Variants in TMEM168 observed in about 807,000 individuals in gnomAD.
TMEM168 encodes transmembrane protein 168.
In TMEM168, 40 loss-of-function variants were observed where a neutral mutation model predicts 53.2. The observed-to-expected ratio is 0.75, with a 90% CI of 0.58 to 0.98. The LOEUF (loss-of-function observed/expected upper bound fraction) is 0.98. Among genes scored for constraint, TMEM168 ranks in the 50% least tolerant of loss-of-function variants. The pLI is 0.00. For synonymous variants in TMEM168, 282 were observed against 293.0 expected (o/e 0.96, Z 0.38); for missense variants, 771 against 828.8 (o/e 0.93, Z 0.86).
At chr7:112,780,191 C>A (rs149080344) in intron 2 of TMEM168, among the ~76,000 whole-genome samples, 92 of 152,230 alleles carry the variant, frequency 6.0e-4, no homozygotes, top group Non-Finnish European at 2.5e-4. Context: ...TATGTGTACA[C>A]GAATAAGTTA....
chr7:112,775,377 T>C (rs1020404556), intron 2 of TMEM168, 59 bp from the exon 3 acceptor site: 46 of 1,386,030 alleles, frequency 3.3e-5, no homozygotes, highest in South Asian at 4.6e-5. Flanking sequence ...TATATTTACA[T>C]GCATGCACAT....
In TMEM168 at chr7:112,784,334, T is replaced by A; in HGVS notation, c.492A>T (p.Gly164=). 2 of 1,614,092 alleles carry A rather than the reference T, an allele frequency of 1.2e-6. No homozygotes were observed. Among genetic ancestry groups the A allele is most frequent in the South Asian group, 2.2e-5 (2 of 91,084 alleles). The change falls in exon 2 of 5, where the codon GGA becomes GGT. Residue 164 remains glycine, a synonymous_variant. Transcript: ENST00000312814. The stretch of plus-strand genomic sequence containing the variant: ...ACATAGTTGTGCTGGCAATGGCAAA[T>A]CCAACAAGCTCCAGAAATTCAACTG... ...LTTVEFLELV[G]FAIASTTMLV... is the part of the protein sequence containing the mutation.
Position 112,765,458 on chromosome 7 carries a change from A to AAAT in TMEM168, c.*1736_*1738dup, listed in dbSNP as rs1472847822. The AAAT allele has an allele frequency of 1.3e-5, 2 of 152,252 alleles. No individual in the cohort carries two copies. The highest frequency in any genetic ancestry group is 2.9e-5 in the Non-Finnish European group (2 of 68,042). 9.4% of individuals were successfully genotyped at this position (152,252 alleles called of 1,614,324 possible). Reference sequence around the variant, plus strand: ...AATGCTTTAAAGCTAACCTGCTCACAAATAGCTGAGAAATTTAAAAGGAGA... The same window carrying AAAT: ...AATGCTTTAAAGCTAACCTGCTCACAAATAATAGCTGAGAAATTTAAAAGGAGA... On this transcript the variant is annotated 3_prime_UTR_variant, in exon 5 of 5. Transcript: ENST00000312814.
chr7:112,764,162 A>G lies in TMEM168; in HGVS notation c.*3035T>C, dbSNP rs544496528. Reference sequence around the variant, plus strand: ...ATTAAAATAAATAAATAATGGTTAAAAAAAGAAAATAAATTCATACTGTTT... The same window carrying G: ...ATTAAAATAAATAAATAATGGTTAAGAAAAGAAAATAAATTCATACTGTTT... On this transcript the variant is annotated 3_prime_UTR_variant, in exon 5 of 5. Transcript: ENST00000312814. The G allele has an allele frequency of 5.9e-4, 90 of 151,882 alleles. No individual in the cohort carries two copies. The highest frequency in any genetic ancestry group is 3.4e-3 in the Middle Eastern group (1 of 294). 9.4% of individuals were successfully genotyped at this position (151,882 alleles called of 1,614,324 possible). A position where few individuals can be genotyped will look rare whatever the true frequency, so the allele number is the denominator to read the frequency against.
chr7:112,767,891 A>G (rs1792831520), intron 4 of TMEM168, 147 bp from the exon 5 acceptor site: 1 of 642,006 alleles, frequency 1.6e-6, no homozygotes, highest in Non-Finnish European at 2.5e-6. Flanking sequence ...GCAAAAAAAT[A>G]AAGTATTTAA....
chr7:112,769,082 T>C (rs1157672524), intron 4 of TMEM168, among the ~76,000 whole-genome samples: 1 of 152,132 alleles, frequency 6.6e-6, no homozygotes, highest in East Asian at 1.9e-4. Context: ...CCCAACATTT[T>C]CCCCAAATCA....
Position 112,767,154 on chromosome 7 carries a change from TG to T in TMEM168, c.*42del. 1.3e-6 allele frequency: 2 copies of T among 1,532,624 alleles called. No individual in the cohort carries two copies. Among genetic ancestry groups the T allele is most frequent in the Non-Finnish European group, 1.8e-6 (2 of 1,139,828 alleles). The allele number at this position is 1,532,624 out of a possible 1,614,324, so 94.9% of individuals were successfully genotyped here. On this transcript the variant is annotated 3_prime_UTR_variant, in exon 5 of 5. Coordinates refer to ENST00000312814, the MANE Select transcript of TMEM168 (RefSeq NM_022484.6). ...CAAAAAATGGCAAGTTAGTGATAATTGGTAGTATGAGTGCTTATTAATATCC... is the reference window on the plus strand; with the variant it reads ...CAAAAAATGGCAAGTTAGTGATAATTGTAGTATGAGTGCTTATTAATATCC...
chr7:112,779,367 A>G (rs1244651490), intron 2 of TMEM168, among the ~76,000 whole-genome samples: 1 of 152,240 alleles, frequency 6.6e-6, no homozygotes, highest in Non-Finnish European at 1.5e-5. Context: ...GATGGCAAGT[A>G]TGTCCAGGGG....
chr7:112,769,162 A>G (rs1792866321), intron 4 of TMEM168, among the ~76,000 whole-genome samples: 1 of 152,190 alleles, frequency 6.6e-6, no homozygotes. Context: ...TTGGGATTCT[A>G]TCATATTCTT....
intron 1 of TMEM168, among the ~76,000 whole-genome samples, chr7:112,786,598 GTT>G (rs111631794): frequency 6.2e-5 from 9 of 145,740 alleles, no homozygotes; most frequent in African/African-American, 2.2e-4. Flanking sequence ...AATGCATTGA[GTT>G]TTTTTTTTTT....
intron 2 of TMEM168, among the ~76,000 whole-genome samples, chr7:112,780,952 A>AC (rs1322615873): frequency 1.3e-4 from 20 of 151,538 alleles, no homozygotes; most frequent in Non-Finnish European, 2.7e-4. Context: ...TCAAAAAAAA[A>AC]AAAAAAAAAA....
intron 1 of TMEM168, among the ~76,000 whole-genome samples, chr7:112,788,858 A>G (rs1793462911): frequency 6.6e-6 from 1 of 152,172 alleles, no homozygotes; most frequent in Non-Finnish European, 1.5e-5. Flanking sequence ...GGCCACCATC[A>G]TGTTGAACAT....
chr7:112,777,786 T>C (rs1334305813), intron 2 of TMEM168, among the ~76,000 whole-genome samples: 1 of 152,106 alleles, frequency 6.6e-6, no homozygotes, highest in Non-Finnish European at 1.5e-5. Context: ...TCTCTCCTTT[T>C]ACTTTTGCAA....
rs982311440 is a variant in TMEM168, at chr7:112,764,159, TA to T, written c.*3037del. On this transcript the variant is annotated 3_prime_UTR_variant, in exon 5 of 5. Coordinates refer to ENST00000312814, the MANE Select transcript of TMEM168 (RefSeq NM_022484.6). The stretch of plus-strand genomic sequence containing the variant: ...AAAATTAAAATAAATAAATAATGGT[TA>T]AAAAAAGAAAATAAATTCATACTGT... 1 of 151,474 alleles carries T rather than the reference TA, an allele frequency of 6.6e-6. No homozygotes were observed. 9.4% of individuals were successfully genotyped at this position (151,474 alleles called of 1,614,324 possible).
In TMEM168 at chr7:112,783,642, T is replaced by A. The variant is rs1793288699; in HGVS notation, c.1128+56A>T. ...ACCTTATAACTTTAATTTCAATTATTGAAGCTAGCATTTTATTACACGTCA... is the reference window on the plus strand; with the variant it reads ...ACCTTATAACTTTAATTTCAATTATAGAAGCTAGCATTTTATTACACGTCA... On this transcript the variant is annotated intron_variant, in intron 2 of 4. Coordinates refer to ENST00000312814, the MANE Select transcript of TMEM168 (RefSeq NM_022484.6). 5 of 1,369,896 alleles carry A rather than the reference T, an allele frequency of 3.6e-6. No individual in the cohort carries two copies. The Admixed American group carries it at 8.4e-5, about 23-fold the overall frequency. 84.9% of individuals were successfully genotyped at this position (1,369,896 alleles called of 1,614,324 possible).
chr7:112,782,004 C>A (rs1353875384), intron 2 of TMEM168, among the ~76,000 whole-genome samples: 2 of 152,130 alleles, frequency 1.3e-5, no homozygotes, highest in Non-Finnish European at 2.9e-5. Context: ...TGACAAAGGG[C>A]TCGTATCCAG....
rs1352447815 is a variant in TMEM168, at chr7:112,767,321, A to G, written c.1970T>C (p.Leu657Ser). ...GATCCAAAAAAGGTTCAGACCGCATAACCAATTTGCCAAATGCACTAGGGG... is the reference window on the plus strand; with the variant it reads ...GATCCAAAAAAGGTTCAGACCGCATGACCAATTTGCCAAATGCACTAGGGG... ...TYPLVHLANW[L>S]CGLNLFWICK... is the part of the protein sequence containing the mutation. Residue 657 changes from leucine (L) to serine (S), a missense_variant, in exon 5 of 5, where the codon TTA becomes TCA. Coordinates refer to ENST00000312814, the MANE Select transcript of TMEM168 (RefSeq NM_022484.6). The G allele has an allele frequency of 1.2e-6, 2 of 1,614,084 alleles. No homozygotes were observed. Among genetic ancestry groups the G allele is most frequent in the African/African-American group, 2.7e-5 (2 of 74,944 alleles).
chr7:112,775,197 A>T lies in TMEM168; in HGVS notation c.1250T>A (p.Val417Glu). 6.2e-7 allele frequency: 1 copy of T among 1,609,922 alleles called. No individual in the cohort carries two copies. The highest frequency in any genetic ancestry group is 8.5e-7 in the Non-Finnish European group (1 of 1,177,998). Residue 417 changes from valine (V) to glutamate (E), a missense_variant, in exon 3 of 5, where the codon GTG becomes GAG. Coordinates refer to ENST00000312814, the MANE Select transcript of TMEM168 (RefSeq NM_022484.6). Reference sequence around the variant, plus strand: ...GTACCTGCAGAAGTTGGTGGGAATCACAATAGCATATCCAACAGATGTTCC... The same window carrying T: ...GTACCTGCAGAAGTTGGTGGGAATCTCAATAGCATATCCAACAGATGTTCC... ...LGGTSVGYAIVIPTNFCSPDG... is the reference protein window; with the variant it reads ...LGGTSVGYAIEIPTNFCSPDG...
At chr7:112,768,248 A>T (rs1226138631) in intron 4 of TMEM168, among the ~76,000 whole-genome samples, 1 of 152,242 alleles carries the variant, frequency 6.6e-6, no homozygotes, top group Admixed American at 6.5e-5. Flanking sequence ...TTTCATAAAT[A>T]AGTTTATTGG....
Sources: allele counts gnomAD v4.1 joint callset (sites outside exome capture counted in the v4.1 genomes callset), GRCh38; gene constraint gnomAD v4.1.1; transcripts MANE v1.5; gene names NCBI Gene and HGNC (gene_info 2026-07-23, HGNC 2026-07-21).